Variants in IMMP2L observed in about 807,000 individuals in gnomAD.
The protein encoded by IMMP2L is inner mitochondrial membrane peptidase subunit 2.
IMMP2L carries 18 observed loss-of-function variants against 19.3 expected under a neutral mutation model. That is an observed-to-expected ratio of 0.93 (90% CI 0.64 to 1.38). The LOEUF is 1.38. IMMP2L is among the 40% of genes most tolerant of loss of function. IMMP2L has a pLI of 0.00. For missense variants in IMMP2L, 233 were observed against 218.2 expected (o/e 1.07, Z -0.43); for synonymous variants, 76 against 73.0 (o/e 1.04, Z -0.21).
At chr7:111,394,688 C>T (rs1210203639) in intron 3 of IMMP2L, among the ~76,000 whole-genome samples, 10 of 151,970 alleles carry the variant, frequency 6.6e-5, no homozygotes, top group African/African-American at 2.4e-4. Flanking sequence ...TTTAAATATC[C>T]GTCCCTGTCA....
chr7:111,417,482 G>A (rs1456248305), intron 3 of IMMP2L, among the ~76,000 whole-genome samples: 2 of 151,740 alleles, frequency 1.3e-5, no homozygotes, highest in Non-Finnish European at 2.9e-5. Flanking sequence ...TCCAGTATAG[G>A]AATGGCTTCT....
intron 5 of IMMP2L, among the ~76,000 whole-genome samples, chr7:110,801,540 G>A (rs545443432): frequency 6.6e-6 from 1 of 152,020 alleles, no homozygotes; most frequent in African/African-American, 2.4e-5. Flanking sequence ...CTAAAAGATG[G>A]GTAAGAGGAA....
intron 5 of IMMP2L, among the ~76,000 whole-genome samples, chr7:110,703,205 T>C (rs1794405846): frequency 6.6e-6 from 1 of 152,182 alleles, no homozygotes; most frequent in Non-Finnish European, 1.5e-5. Context: ...TCTTATGGTT[T>C]TGCTTTCTCA....
At chr7:110,687,336 G>A (rs933383528) in intron 5 of IMMP2L, among the ~76,000 whole-genome samples, 1 of 151,820 alleles carries the variant, frequency 6.6e-6, no homozygotes, top group African/African-American at 2.4e-5. Flanking sequence ...CTTATTTATC[G>A]TTATTTATAT....
chr7:111,360,445 A>G (rs1268604925), intron 3 of IMMP2L, among the ~76,000 whole-genome samples: 3 of 152,168 alleles, frequency 2.0e-5, no homozygotes, highest in Non-Finnish European at 4.4e-5. Flanking sequence ...AAATAACATT[A>G]CACAACATAT....
intron 3 of IMMP2L, among the ~76,000 whole-genome samples, chr7:111,315,130 C>CAA (rs1823914493): frequency 6.6e-6 from 1 of 152,098 alleles, no homozygotes; most frequent in South Asian, 2.1e-4. Flanking sequence ...TATCATAAGG[C>CAA]AAACATTTGT....
At chr7:111,398,763 A>C (rs764501810) in intron 3 of IMMP2L, among the ~76,000 whole-genome samples, 9 of 152,162 alleles carry the variant, frequency 5.9e-5, no homozygotes, top group Middle Eastern at 3.4e-3. Context: ...AACTGATAAA[A>C]GAATTCAGCA....
At chr7:111,300,843 T>C (rs1324156020) in intron 3 of IMMP2L, among the ~76,000 whole-genome samples, 3 of 152,178 alleles carry the variant, frequency 2.0e-5, no homozygotes, top group African/African-American at 4.8e-5. Flanking sequence ...CCACTGACAG[T>C]TGCAGAACAT....
At chr7:110,764,206 C>T (rs1798521701) in intron 5 of IMMP2L, among the ~76,000 whole-genome samples, 2 of 152,062 alleles carry the variant, frequency 1.3e-5, no homozygotes, top group Non-Finnish European at 2.9e-5. Context: ...GGGCTCTGAC[C>T]ACCTACTGAC....
chr7:111,531,997 A>G (rs1847436185), intron 1 of IMMP2L, among the ~76,000 whole-genome samples: 1 of 152,156 alleles, frequency 6.6e-6, no homozygotes, highest in African/African-American at 2.4e-5. Flanking sequence ...TAAATGGAAA[A>G]AGCACTCTTT....
At chr7:111,122,206 A>G (rs1017457525) in intron 3 of IMMP2L, among the ~76,000 whole-genome samples, 9 of 150,360 alleles carry the variant, frequency 6.0e-5, no homozygotes, top group Non-Finnish European at 1.2e-4. Flanking sequence ...CATGTACCCT[A>G]AAACTTAAAG....
At chr7:110,819,498 A>G (rs540061700) in intron 5 of IMMP2L, among the ~76,000 whole-genome samples, 2 of 152,070 alleles carry the variant, frequency 1.3e-5, no homozygotes, top group Non-Finnish European at 2.9e-5. Context: ...AAGTGATCCC[A>G]TAAGTGTGCT....
At chr7:110,673,965 C>T (rs1792105779) in intron 5 of IMMP2L, among the ~76,000 whole-genome samples, 1 of 152,172 alleles carries the variant, frequency 6.6e-6, no homozygotes, top group African/African-American at 2.4e-5. Flanking sequence ...TCCAAAGTTG[C>T]TTCTACTTTT....
In IMMP2L at chr7:111,199,599, C is replaced by T. The variant is rs1809885129; in HGVS notation, c.240-236034G>A. ...TAATTTGATTTGAGTAAGAAGTTTACAGAATGTTAGTCTGATATAACAAAC... is the reference window on the plus strand; with the variant it reads ...TAATTTGATTTGAGTAAGAAGTTTATAGAATGTTAGTCTGATATAACAAAC... On this transcript the variant is annotated intron_variant, in intron 3 of 5. Transcript: ENST00000405709. Among the ~76,000 whole-genome samples, 3 of 152,108 alleles carry T rather than the reference C, an allele frequency of 2.0e-5. No individual in the cohort carries two copies. The South Asian group carries it at 6.2e-4, about 31-fold the overall frequency.
chr7:111,271,522 T>C (rs1818467611), intron 3 of IMMP2L, among the ~76,000 whole-genome samples: 1 of 152,174 alleles, frequency 6.6e-6, no homozygotes, highest in South Asian at 2.1e-4. Context: ...GAAGGCTTAT[T>C]AACACAGATT....
intron 5 of IMMP2L, among the ~76,000 whole-genome samples, chr7:110,827,482 G>C (rs1314972691): frequency 6.6e-6 from 1 of 152,182 alleles, no homozygotes; most frequent in African/African-American, 2.4e-5. Context: ...TGAGCCCCAT[G>C]ATGAGGATGC....
intron 3 of IMMP2L, among the ~76,000 whole-genome samples, chr7:111,000,339 T>A (rs1410731552): frequency 6.6e-6 from 1 of 152,140 alleles, no homozygotes; most frequent in Non-Finnish European, 1.5e-5. Context: ...TAAAAGTTCT[T>A]GATAATCTTC....
chr7:110,756,961 T>C (rs1053725776), intron 5 of IMMP2L, among the ~76,000 whole-genome samples: 2 of 152,108 alleles, frequency 1.3e-5, no homozygotes, highest in Non-Finnish European at 2.9e-5. Context: ...TTTATTTGTA[T>C]GTATTTATAC....
chr7:110,770,808 T>C (rs1269269013), intron 5 of IMMP2L, among the ~76,000 whole-genome samples: 1 of 152,172 alleles, frequency 6.6e-6, no homozygotes, highest in Non-Finnish European at 1.5e-5. Context: ...TGACCTTCTA[T>C]GACATTCTAG....
Sources: allele counts gnomAD v4.1 joint callset (sites outside exome capture counted in the v4.1 genomes callset), GRCh38; gene constraint gnomAD v4.1.1; transcripts MANE v1.5; gene names NCBI Gene and HGNC (gene_info 2026-07-23, HGNC 2026-07-21).